Variants in CDON observed in about 807,000 individuals in gnomAD.
CDON encodes cell adhesion associated, oncogene regulated.
In CDON, 73 loss-of-function variants were observed where a neutral mutation model predicts 120.9. That is an observed-to-expected ratio of 0.60 (90% CI 0.50 to 0.73). The LOEUF (loss-of-function observed/expected upper bound fraction) is 0.73, where lower values mean the gene tolerates loss of function less well. Among genes scored for constraint, CDON ranks in the 30% least tolerant of loss-of-function variants. The pLI, the probability that CDON is intolerant of heterozygous loss-of-function variation, is 0.00. For missense variants in CDON, 1,470 were observed against 1,587.3 expected (o/e 0.93, Z 1.26); for synonymous variants, 566 against 573.5 (o/e 0.99, Z 0.19).
intron 5 of CDON, 121 bp from the exon 6 acceptor site, chr11:126,017,496 T>C (rs993097129): frequency 4.2e-6 from 4 of 958,892 alleles, no homozygotes; most frequent in Non-Finnish European, 6.4e-6. Context: ...TCCTATTTGG[T>C]GGTTAAATCC....
chr11:126,009,776 C>T (rs1947237404), intron 8 of CDON, among the ~76,000 whole-genome samples: 1 of 152,102 alleles, frequency 6.6e-6, no homozygotes, highest in South Asian at 2.1e-4. Flanking sequence ...AAGTTTGAGT[C>T]CATTTCCATG....
chr11:126,006,670 C>T (rs537222091), intron 8 of CDON, among the ~76,000 whole-genome samples: 2 of 152,102 alleles, frequency 1.3e-5, no homozygotes, highest in Non-Finnish European at 2.9e-5. Context: ...AACTTCTACC[C>T]AAGGGGATCC....
chr11:125,991,785 A>T (rs1199696143), intron 14 of CDON, among the ~76,000 whole-genome samples: 1 of 152,328 alleles, frequency 6.6e-6, no homozygotes, highest in East Asian at 1.9e-4. Flanking sequence ...GAATAAGCAA[A>T]TTACACAGCA....
chr11:126,049,589 C>G lies in CDON; in HGVS notation c.-62+12990G>C, dbSNP rs146914002. ...TTAAACAGTTAATAATTATTTTAAT[C>G]TACACCAATTAGCTATCATTAAATG... On this transcript the variant is annotated intron_variant, in intron 1 of 19. Coordinates refer to ENST00000531738, the MANE Select transcript of CDON (RefSeq NM_001378964.1). Among the ~76,000 whole-genome samples the G allele has an allele frequency of 1.6e-3, 250 of 152,276 alleles. 5 individuals are homozygous for G. Among genetic ancestry groups the G allele is most frequent in the African/African-American group, 5.6e-3 (232 of 41,566 alleles).
At chr11:126,002,264 G>A (rs1195294163) in intron 10 of CDON, among the ~76,000 whole-genome samples, 1 of 151,978 alleles carries the variant, frequency 6.6e-6, no homozygotes, top group Non-Finnish European at 1.5e-5. Context: ...TATTTCAAGA[G>A]GCAAAAAGTG....
At chr11:126,052,943 A>G (rs1948601804) in intron 1 of CDON, among the ~76,000 whole-genome samples, 1 of 152,240 alleles carries the variant, frequency 6.6e-6, no homozygotes, top group African/African-American at 2.4e-5. Flanking sequence ...GATCTGCATA[A>G]GTTATATGCA....
chr11:126,008,702 C>G (rs940311877), intron 8 of CDON, among the ~76,000 whole-genome samples: 5 of 152,164 alleles, frequency 3.3e-5, no homozygotes, highest in Admixed American at 2.6e-4. Context: ...ACCTGTCATG[C>G]AGTTAACAAT....
chr11:125,968,860 T>A (rs916373487), intron 18 of CDON, among the ~76,000 whole-genome samples: 1 of 152,214 alleles, frequency 6.6e-6, no homozygotes, highest in Non-Finnish European at 1.5e-5. Flanking sequence ...TTAGTTCAAT[T>A]CCAGATGTCT....
rs189386496 is a variant in CDON at position 125,961,715 on chromosome 11, C to A, written c.3631+9G>T. The A allele has an allele frequency of 6.2e-7, 1 of 1,614,178 alleles. No homozygotes were observed. Among genetic ancestry groups the A allele is most frequent in the Admixed American group, 1.7e-5 (1 of 60,026 alleles). On this transcript the variant is annotated intron_variant, in intron 19 of 19. Coordinates refer to ENST00000531738, the MANE Select transcript of CDON (RefSeq NM_001378964.1). ...TCTGGAATCCTAAGGTTGATCATGC[C>A]TTCCTGACCTCTGCTGAACTCTGCT...
chr11:126,042,231 G>A (rs146514195), intron 1 of CDON, among the ~76,000 whole-genome samples: 25 of 152,262 alleles, frequency 1.6e-4, no homozygotes, highest in African/African-American at 6.0e-4. Flanking sequence ...GCAATTATAA[G>A]ATTAGGATTT....
intron 18 of CDON, among the ~76,000 whole-genome samples, chr11:125,964,017 C>T (rs562891712): frequency 6.6e-6 from 1 of 152,312 alleles, no homozygotes; most frequent in South Asian, 2.1e-4. Flanking sequence ...GAAAAATTTT[C>T]TGGATGCTGG....
At chr11:126,059,170 G>C (rs1052372256) in intron 1 of CDON, among the ~76,000 whole-genome samples, 1 of 152,192 alleles carries the variant, frequency 6.6e-6, no homozygotes, top group African/African-American at 2.4e-5. Context: ...AGCCTTTACA[G>C]GCAAGACCAA....
At chr11:126,053,414 G>A (rs570107838) in intron 1 of CDON, among the ~76,000 whole-genome samples, 3 of 152,280 alleles carry the variant, frequency 2.0e-5, no homozygotes, top group South Asian at 2.1e-4. Context: ...ATGAGCTGTC[G>A]TTATATCATG....
intron 1 of CDON, among the ~76,000 whole-genome samples, chr11:126,058,545 T>C (rs569109106): frequency 6.6e-6 from 1 of 152,314 alleles, no homozygotes; most frequent in South Asian, 2.1e-4. Flanking sequence ...GAGGGCTACA[T>C]GGGAGTAGGA....
chr11:126,001,577 A>G, intron 11 of CDON, 142 bp downstream of exon 11: 4 of 688,618 alleles, frequency 5.8e-6, no homozygotes, highest in Non-Finnish European at 1.0e-5. Flanking sequence ...AATATAGGAC[A>G]TTAAAATTGT....
intron 11 of CDON, among the ~76,000 whole-genome samples, chr11:125,999,241 A>C (rs956150798): frequency 2.6e-5 from 4 of 152,218 alleles, no homozygotes; most frequent in Non-Finnish European, 5.9e-5. Context: ...TGAAATCAAA[A>C]CTCACCAAAC....
Position 126,010,355 on chromosome 11 carries a change from G to A in CDON, c.1538C>T (p.Ala513Val), listed in dbSNP as rs943175241. The change falls in exon 8 of 20, where the codon GCA (alanine) becomes GTA (valine). Residue 513 changes from alanine to valine, a missense_variant. Coordinates refer to ENST00000531738, the MANE Select transcript of CDON (RefSeq NM_001378964.1). The part of the protein sequence containing the change: ...ANEHGTTQAE[A>V]SLMVVPFETN... ...TGGCAACTCACCAACCATGAGAGAT[G>A]CTTCTGCCTGTGTGGTACCATGTTC... 8.7e-6 allele frequency: 14 copies of A among 1,608,322 alleles called. 1 individual carries two copies. The highest frequency in any genetic ancestry group is 2.5e-6 in the Non-Finnish European group (3 of 1,177,032).
intron 1 of CDON, among the ~76,000 whole-genome samples, chr11:126,030,442 C>T (rs1947913738): frequency 6.6e-6 from 1 of 152,142 alleles, no homozygotes; most frequent in South Asian, 2.1e-4. Flanking sequence ...TTGTAGTTTT[C>T]TTTCAAGCTT....
At position 125,957,733 on chromosome 11, in the gene CDON, A is replaced by G. The variant is rs1945523913; in HGVS notation, c.*3209T>C. ...CAAGATGGATGCATTGAGTCTTCAT[A>G]GACTCATTCGACAAAAACACCCAGA... On this transcript the variant is annotated 3_prime_UTR_variant, in exon 20 of 20. Coordinates refer to ENST00000531738, the MANE Select transcript of CDON (RefSeq NM_001378964.1). 1 of 152,234 alleles carries G rather than the reference A, an allele frequency of 6.6e-6. No homozygotes were observed. The highest frequency in any genetic ancestry group is 6.5e-5 in the Admixed American group (1 of 15,286). 9.4% of individuals were successfully genotyped at this position (152,234 alleles called of 1,614,324 possible). A position where few individuals can be genotyped will look rare whatever the true frequency, so the allele number is the denominator to read the frequency against.
Sources: gnomAD v4.1 joint callset for allele counts (sites outside exome capture counted in the v4.1 genomes callset) on GRCh38, gnomAD v4.1.1 for gene constraint, MANE v1.5 for transcripts, NCBI Gene and HGNC (gene_info 2026-07-23, HGNC 2026-07-21) for gene names.